Variants in SUMF1 observed in about 807,000 individuals in gnomAD.
The protein encoded by SUMF1 is formylglycine-generating enzyme.
In SUMF1, 48 loss-of-function variants were observed where a neutral mutation model predicts 47.6. The observed-to-expected ratio is 1.01, with a 90% CI of 0.80 to 1.28. SUMF1 has a LOEUF of 1.28. Among genes scored for constraint, SUMF1 ranks in the 50% most tolerant of loss-of-function variants. SUMF1 has a pLI of 0.00. For missense variants in SUMF1, 571 were observed against 485.4 expected, an observed-to-expected ratio of 1.18 and a Z score of -1.66; for synonymous variants, 230 against 192.1, an observed-to-expected ratio of 1.20 and a Z score of -1.63.
At chr3:4,285,192 TA>T (rs747113999) in intron 8 of SUMF1, among the ~76,000 whole-genome samples, 15 of 152,180 alleles carry the variant, frequency 9.9e-5, no homozygotes, top group Non-Finnish European at 2.1e-4. Flanking sequence ...CTATTCTCCA[TA>T]AAATAACTTA....
At chr3:4,238,597 C>T (rs558123042) in intron 8 of SUMF1, among the ~76,000 whole-genome samples, 3 of 152,262 alleles carry the variant, frequency 2.0e-5, no homozygotes, top group African/African-American at 7.2e-5. Context: ...TGTTCATATC[C>T]TTCACCTACT....
intron 9 of SUMF1, among the ~76,000 whole-genome samples, chr3:4,048,283 G>A (rs1266344483): frequency 1.3e-5 from 2 of 152,140 alleles, no homozygotes; most frequent in East Asian, 3.9e-4. Flanking sequence ...CATAGGGGAA[G>A]GAGACTCAGT....
chr3:4,332,861 G>A (rs182931167), intron 8 of SUMF1, among the ~76,000 whole-genome samples: 18 of 152,176 alleles, frequency 1.2e-4, no homozygotes, highest in East Asian at 3.9e-4. Flanking sequence ...CCACCATGCC[G>A]CCTATCCTGT....
intron 8 of SUMF1, among the ~76,000 whole-genome samples, chr3:4,235,064 G>A (rs931290089): frequency 2.6e-5 from 4 of 152,122 alleles, no homozygotes; most frequent in African/African-American, 9.7e-5. Context: ...AACACCAGAG[G>A]CAGAGAAACC....
chr3:4,112,486 C>A (rs1016970725), intron 8 of SUMF1, among the ~76,000 whole-genome samples: 1 of 152,160 alleles, frequency 6.6e-6, no homozygotes, highest in African/African-American at 2.4e-5. Flanking sequence ...TAAGTTGTTT[C>A]TCTTCAGCAT....
chr3:4,435,998 G>A (rs1326481559), intron 3 of SUMF1, among the ~76,000 whole-genome samples: 5 of 152,166 alleles, frequency 3.3e-5, no homozygotes, highest in African/African-American at 9.7e-5. Context: ...AAATATGTAC[G>A]AGGCGGGGTG....
chr3:4,212,951 G>T (rs1695831681), intron 8 of SUMF1, among the ~76,000 whole-genome samples: 1 of 152,172 alleles, frequency 6.6e-6, no homozygotes, highest in Non-Finnish European at 1.5e-5. Context: ...GTACCTGAAA[G>T]TGACAGGGAG....
rs148626216 is a variant in SUMF1 at position 4,270,754 on chromosome 3, CA to C, written c.1014+105575del. ...GGAATGGGATATTTCCTGGCTTTGC[CA>C]AGCAAAAAAGTTAGGTAATTTAATA... On this transcript the variant is annotated intron_variant and NMD_transcript_variant, in intron 8 of 12. Transcript: ENST00000448413. Among the ~76,000 whole-genome samples, 797 of 151,890 alleles carry C rather than the reference CA, an allele frequency of 5.2e-3. 4 individuals are homozygous for C. The highest frequency in any genetic ancestry group is 0.017 in the African/African-American group (724 of 41,468).
At chr3:4,444,856 G>A (rs1702725814) in intron 3 of SUMF1, among the ~76,000 whole-genome samples, 1 of 152,132 alleles carries the variant, frequency 6.6e-6, no homozygotes, top group Admixed American at 6.6e-5. Context: ...TCGAAATACT[G>A]TTTTCTACTA....
At chr3:4,429,784 C>G (rs1702177938) in intron 3 of SUMF1, among the ~76,000 whole-genome samples, 1 of 152,096 alleles carries the variant, frequency 6.6e-6, no homozygotes, top group Non-Finnish European at 1.5e-5. Flanking sequence ...AGCCCACAGC[C>G]ACAAGAACAC....
chr3:4,160,981 G>T (rs1694563144), intron 8 of SUMF1, among the ~76,000 whole-genome samples: 1 of 152,066 alleles, frequency 6.6e-6, no homozygotes, highest in African/African-American at 2.4e-5. Context: ...GGCTTTCCAG[G>T]TATTCAAAAG....
chr3:4,173,448 C>T (rs894363133), intron 8 of SUMF1, among the ~76,000 whole-genome samples: 1 of 152,136 alleles, frequency 6.6e-6, no homozygotes, highest in Non-Finnish European at 1.5e-5. Context: ...TAAATTAGTT[C>T]AACCATTGTG....
chr3:4,356,054 G>C (rs973825539), intron 8 of SUMF1, among the ~76,000 whole-genome samples: 1 of 152,112 alleles, frequency 6.6e-6, no homozygotes, highest in Admixed American at 6.5e-5. Context: ...TTAAACTCTT[G>C]CTCTAATGGT....
chr3:4,420,605 C>T (rs1271332478), intron 3 of SUMF1, among the ~76,000 whole-genome samples: 1 of 152,010 alleles, frequency 6.6e-6, no homozygotes, highest in Non-Finnish European at 1.5e-5. Context: ...ACTCTGTTAG[C>T]CAGGATGGTC....
chr3:4,211,562 T>C (rs1459236218), intron 8 of SUMF1, among the ~76,000 whole-genome samples: 3 of 151,954 alleles, frequency 2.0e-5, no homozygotes, highest in African/African-American at 7.3e-5. Flanking sequence ...GTAAGGAAGA[T>C]TACTTAAACC....
At chr3:4,314,031 G>T in intron 8 of SUMF1, 1 of 554,910 alleles carries the variant, frequency 1.8e-6, no homozygotes, top group South Asian at 2.7e-5. Flanking sequence ...GTCCTTAAAT[G>T]GAGATATCCT....
At chr3:4,069,762 A>T (rs1695474168) in intron 8 of SUMF1, among the ~76,000 whole-genome samples, 1 of 152,100 alleles carries the variant, frequency 6.6e-6, no homozygotes, top group African/African-American at 2.4e-5. Context: ...CTTACTTTTC[A>T]ATCTGACTCT....
intron 8 of SUMF1, among the ~76,000 whole-genome samples, chr3:4,168,489 G>A (rs1030980561): frequency 2.6e-5 from 4 of 152,160 alleles, no homozygotes; most frequent in African/African-American, 9.7e-5. Context: ...TAAACTATTA[G>A]TAGGTGGTCA....
In SUMF1 at chr3:4,252,230, T is replaced by C. The variant is rs1696818833; in HGVS notation, c.1014+124100A>G. On this transcript the variant is annotated intron_variant and NMD_transcript_variant, in intron 8 of 12. Coordinates refer to the SUMF1 transcript ENST00000448413. ...TGACAGAATTAATGGTTGCCCCATGTCCTCTTCTCCATGAGCTACATAAGT... is the reference window on the plus strand; with the variant it reads ...TGACAGAATTAATGGTTGCCCCATGCCCTCTTCTCCATGAGCTACATAAGT... Among the ~76,000 whole-genome samples the C allele has an allele frequency of 1.3e-5, 2 of 152,146 alleles. 1 individual carries two copies. Among genetic ancestry groups the C allele is most frequent in the Non-Finnish European group, 2.9e-5 (2 of 68,028 alleles).
Sources: gnomAD v4.1 joint callset for allele counts (sites outside exome capture counted in the v4.1 genomes callset) on GRCh38, gnomAD v4.1.1 for gene constraint, MANE v1.5 for transcripts, NCBI Gene and HGNC (gene_info 2026-07-23, HGNC 2026-07-21) for gene names.